Variants in KLHL31 observed in about 807,000 individuals in gnomAD.
The protein encoded by KLHL31 is kelch like family member 31.
In KLHL31, 32 loss-of-function variants were observed where a neutral mutation model predicts 47.1. That is an observed-to-expected ratio of 0.68 (90% CI 0.51 to 0.91). KLHL31 has a LOEUF of 0.91. KLHL31 is among the 40% of genes least tolerant of loss of function. The probability of loss-of-function intolerance (pLI) is 0.00; values close to 1 mark genes in which losing one functional copy is unlikely to be tolerated. For synonymous variants in KLHL31, 330 were observed against 325.1 expected (o/e 1.01, Z -0.16); for missense variants, 797 against 819.3 (o/e 0.97, Z 0.33).
At position 53,655,009 on chromosome 6, in the gene KLHL31, C is replaced by T. The variant is rs367768361; in HGVS notation, c.264G>A (p.Lys88=). 18 of 1,614,052 alleles carry T rather than the reference C, an allele frequency of 1.1e-5. No homozygotes were observed. In the African/African-American group the frequency reaches 2.0e-4, roughly 18 times the overall value. The change falls in exon 2 of 3, where the codon AAG becomes AAA. Residue 88 remains lysine, a synonymous_variant. Coordinates refer to ENST00000370905, the MANE Select transcript of KLHL31 (RefSeq NM_001003760.5). Reference sequence around the variant, plus strand: ...ACTCACTGCATGAAGCCATGACTGACTTATGAACATCAAAGGATTTGGTTT... The same window carrying T: ...ACTCACTGCATGAAGCCATGACTGATTTATGAACATCAAAGGATTTGGTTT... ...GTKTKSFDVH[K]SVMASCSEYF...
Position 53,652,103 on chromosome 6 carries a change from C to G in KLHL31, c.1400G>C (p.Arg467Pro). 6.3e-7 allele frequency: 1 copy of G among 1,599,860 alleles called. No homozygotes were observed. The highest frequency in any genetic ancestry group is 8.5e-7 in the Non-Finnish European group (1 of 1,177,928). Residue 467 changes from arginine (R) to proline (P), a missense_variant, in exon 3 of 3, where the codon CGC (arginine) becomes CCC (proline). Transcript: ENST00000370905. Reference protein sequence around the residue: ...CCHASAVADGRVLVTGGYIAN... With the variant: ...CCHASAVADGPVLVTGGYIAN... ...TATGTAGCCTCCGGTCACCAGCACG[C>G]GGCCGTCGGCGACCGCGCTAGCGTG...
chr6:53,664,976 T>C (rs1321387780), intron 1 of KLHL31, among the ~76,000 whole-genome samples: 1 of 152,032 alleles, frequency 6.6e-6, no homozygotes, highest in African/African-American at 2.4e-5. Context: ...ATTTTTAATA[T>C]AAAATATATG....
chr6:53,652,409 G>C (rs1477206221), intron 2 of KLHL31, 79 bp from the exon 3 acceptor site: 1 of 1,570,542 alleles, frequency 6.4e-7, no homozygotes, highest in Admixed American at 1.7e-5. Context: ...TCATGAGTGG[G>C]AAGCCTGACA....
At chr6:53,661,870 C>T (rs934767139) in intron 1 of KLHL31, among the ~76,000 whole-genome samples, 3 of 152,150 alleles carry the variant, frequency 2.0e-5, no homozygotes, top group Admixed American at 1.3e-4. Flanking sequence ...TAGAGTATAA[C>T]CTACATGCTG....
In KLHL31 at chr6:53,651,188, G is replaced by C. The variant is rs1483639507; in HGVS notation, c.*410C>G. Reference sequence around the variant, plus strand: ...TCTTCAACTTCCTAAAGAAAAAAGAGAGAGAGGAAAATAAACTTTTGAACA... The same window carrying C: ...TCTTCAACTTCCTAAAGAAAAAAGACAGAGAGGAAAATAAACTTTTGAACA... On this transcript the variant is annotated 3_prime_UTR_variant, in exon 3 of 3. Coordinates refer to ENST00000370905, the MANE Select transcript of KLHL31 (RefSeq NM_001003760.5). 1.3e-5 allele frequency: 2 copies of C among 154,472 alleles called. No homozygotes were observed. Among genetic ancestry groups the C allele is most frequent in the Non-Finnish European group, 2.9e-5 (2 of 69,790 alleles). 9.6% of individuals were successfully genotyped at this position (154,472 alleles called of 1,614,324 possible).
intron 2 of KLHL31, among the ~76,000 whole-genome samples, chr6:53,652,715 A>G (rs1764495482): frequency 6.6e-6 from 1 of 152,212 alleles, no homozygotes; most frequent in African/African-American, 2.4e-5. Context: ...TGTGACGATC[A>G]GAGGAGTGGC....
In KLHL31 at chr6:53,651,319, G is replaced by A. The variant is rs1264532649; in HGVS notation, c.*279C>T. 3 of 316,436 alleles carry A rather than the reference G, an allele frequency of 9.5e-6. No individual in the cohort carries two copies. Among genetic ancestry groups the A allele is most frequent in the Non-Finnish European group, 1.7e-5 (3 of 177,108 alleles). 19.6% of individuals were successfully genotyped at this position (316,436 alleles called of 1,614,324 possible). ...AGGAAACATGCCGCCTTGGGAGAGT[G>A]CCTATAACGAATTCCGTCTGCCACC... On this transcript the variant is annotated 3_prime_UTR_variant, in exon 3 of 3. Coordinates refer to ENST00000370905, the MANE Select transcript of KLHL31 (RefSeq NM_001003760.5).
chr6:53,651,998 G>GGTGT lies in KLHL31; in HGVS notation c.1501_1504dup (p.Pro502HisfsTer156). ...CGTGACCGCGCAGTGCCAGCCCCGG[G>GGTGT]GTGTGCTGAGGTTCGGCAGCTCCTG... On this transcript the variant is annotated frameshift_variant, in exon 3 of 3. Coordinates refer to ENST00000370905, the MANE Select transcript of KLHL31 (RefSeq NM_001003760.5). LOFTEE classifies it high-confidence loss of function. 1 of 1,592,370 alleles carries GGTGT rather than the reference G, an allele frequency of 6.3e-7. No individual in the cohort carries two copies. Among genetic ancestry groups the GGTGT allele is most frequent in the Non-Finnish European group, 8.5e-7 (1 of 1,175,352 alleles).
At chr6:53,657,575 T>C (rs1281056307) in intron 1 of KLHL31, among the ~76,000 whole-genome samples, 2 of 151,882 alleles carry the variant, frequency 1.3e-5, no homozygotes, top group East Asian at 3.9e-4. Flanking sequence ...TAAGCATTTA[T>C]GTATTTAGGT....
intron 1 of KLHL31, among the ~76,000 whole-genome samples, chr6:53,663,244 A>G (rs1764673107): frequency 1.3e-5 from 2 of 152,254 alleles, no homozygotes; most frequent in Admixed American, 6.5e-5. Flanking sequence ...ACATGGGAAG[A>G]TAGAGACAGT....
Position 53,649,757 on chromosome 6 carries a change from T to A in KLHL31, c.*1841A>T, listed in dbSNP as rs570039937. On this transcript the variant is annotated 3_prime_UTR_variant, in exon 3 of 3. Coordinates refer to ENST00000370905, the MANE Select transcript of KLHL31 (RefSeq NM_001003760.5). Reference sequence around the variant, plus strand: ...CCCTTTTCTCCAAAAATTAACCATATACTATAGGCTTCTCAGTTGTATGAG... The same window carrying A: ...CCCTTTTCTCCAAAAATTAACCATAAACTATAGGCTTCTCAGTTGTATGAG... 1 of 152,296 alleles carries A rather than the reference T, an allele frequency of 6.6e-6. No homozygotes were observed. The highest frequency in any genetic ancestry group is 2.1e-4 in the South Asian group (1 of 4,826). 9.4% of individuals were successfully genotyped at this position (152,296 alleles called of 1,614,324 possible).
At chr6:53,657,162 C>G (rs1764573983) in intron 1 of KLHL31, among the ~76,000 whole-genome samples, 1 of 152,014 alleles carries the variant, frequency 6.6e-6, no homozygotes, top group Non-Finnish European at 1.5e-5. Context: ...TGGTCTCAAA[C>G]TCCTGGGCTC....
intron 1 of KLHL31, among the ~76,000 whole-genome samples, chr6:53,664,181 G>A (rs1446328967): frequency 2.0e-5 from 3 of 152,174 alleles, no homozygotes; most frequent in African/African-American, 7.2e-5. Flanking sequence ...AAGATGTCAA[G>A]TTGCATTTGC....
intron 1 of KLHL31, among the ~76,000 whole-genome samples, chr6:53,655,538 C>T (rs1039520366): frequency 2.0e-5 from 3 of 152,078 alleles, no homozygotes; most frequent in Non-Finnish European, 4.4e-5. Context: ...TGAAATCTCT[C>T]CATAACTGTA....
At chr6:53,664,377 T>C (rs1366378579) in intron 1 of KLHL31, among the ~76,000 whole-genome samples, 1 of 152,188 alleles carries the variant, frequency 6.6e-6, no homozygotes, top group Non-Finnish European at 1.5e-5. Flanking sequence ...TGCGGAATAG[T>C]CTGAAACATA....
chr6:53,663,975 G>C (rs1764683181), intron 1 of KLHL31, among the ~76,000 whole-genome samples: 1 of 152,180 alleles, frequency 6.6e-6, no homozygotes, highest in South Asian at 2.1e-4. Context: ...TTTGCAGACA[G>C]TTATGAATAC....
intron 1 of KLHL31, among the ~76,000 whole-genome samples, chr6:53,661,809 G>T (rs1418629344): frequency 6.6e-6 from 1 of 152,214 alleles, no homozygotes; most frequent in African/African-American, 2.4e-5. Flanking sequence ...TCAAAATGTG[G>T]CTGTGAGGAA....
At position 53,650,412 on chromosome 6, in the gene KLHL31, G is replaced by A. The variant is rs551696975; in HGVS notation, c.*1186C>T. 1.3e-5 allele frequency: 2 copies of A among 152,232 alleles called. No individual in the cohort carries two copies. The highest frequency in any genetic ancestry group is 2.1e-4 in the South Asian group (1 of 4,824). The allele number at this position is 152,232 out of a possible 1,614,324, so 9.4% of individuals were successfully genotyped here. ...GAGATTAATAAAAATAGGACAGAAT[G>A]AGTATATATTTTTATATACGTGAGA... On this transcript the variant is annotated 3_prime_UTR_variant, in exon 3 of 3. Transcript: ENST00000370905.
At position 53,648,659 on chromosome 6, in the gene KLHL31, C is replaced by T. The variant is rs1764426325; in HGVS notation, c.*2939G>A. 6.6e-6 allele frequency: 1 copy of T among 152,086 alleles called. No individual in the cohort carries two copies. Among genetic ancestry groups the T allele is most frequent in the Admixed American group, 6.5e-5 (1 of 15,272 alleles). 9.4% of individuals were successfully genotyped at this position (152,086 alleles called of 1,614,324 possible). On this transcript the variant is annotated 3_prime_UTR_variant, in exon 3 of 3. Transcript: ENST00000370905. ...CATCTAATCATGTTTTAAAATTATA[C>T]GAATCTGTACCATCACTGACCTTCT... is the stretch of plus-strand genomic sequence containing the variant.
Sources: allele counts gnomAD v4.1 joint callset (sites outside exome capture counted in the v4.1 genomes callset), GRCh38; gene constraint gnomAD v4.1.1; transcripts MANE v1.5; gene names NCBI Gene and HGNC (gene_info 2026-07-23, HGNC 2026-07-21).